The following ZNF423 variants were observed in gnomAD, a reference collection of about 807,000 sequenced individuals.
ZNF423 encodes the protein zinc finger protein 423, also known as Ebf-associated zinc finger protein.
A neutral mutation model predicts 95.8 loss-of-function variants in ZNF423; 12 were observed. The observed-to-expected ratio is 0.13, with a 90% CI of 0.08 to 0.20. ZNF423 has a LOEUF of 0.20. Ranked by LOEUF, ZNF423 falls within the 10% of genes least tolerant of loss-of-function variation. The pLI is 1.00. For synonymous variants in ZNF423, 749 were observed against 711.9 expected (o/e 1.05, Z -0.83); for missense variants, 1,316 against 1,737.1 (o/e 0.76, Z 4.31).
At chr16:49,779,388 T>A (rs1028696147) in intron 2 of ZNF423, among the ~76,000 whole-genome samples, 7 of 151,864 alleles carry the variant, frequency 4.6e-5, no homozygotes, top group Non-Finnish European at 7.4e-5. Context: ...CTTCAAAAAA[T>A]GCCAAGGGGA....
chr16:49,743,581 G>A (rs555603113), intron 2 of ZNF423, among the ~76,000 whole-genome samples: 2 of 152,208 alleles, frequency 1.3e-5, no homozygotes, highest in Non-Finnish European at 2.9e-5. Flanking sequence ...GTATTTCCAG[G>A]GAGGGATGGG....
intron 4 of ZNF423, among the ~76,000 whole-genome samples, chr16:49,631,392 C>T (rs996311403): frequency 1.3e-5 from 2 of 152,094 alleles, no homozygotes; most frequent in Non-Finnish European, 2.9e-5. Context: ...ACCCCAACAT[C>T]TATTCCTAGT....
intron 3 of ZNF423, among the ~76,000 whole-genome samples, chr16:49,709,708 C>T (rs1056709809): frequency 1.5e-4 from 23 of 152,204 alleles, no homozygotes; most frequent in African/African-American, 5.3e-4. Flanking sequence ...CCTACGAGTG[C>T]GATCAGTTTC....
chr16:49,734,625 G>A (rs981679767), intron 2 of ZNF423, among the ~76,000 whole-genome samples: 9 of 152,212 alleles, frequency 5.9e-5, no homozygotes, highest in African/African-American at 2.2e-4. Flanking sequence ...GCTCGCTCAG[G>A]GAAGGCCCGA....
chr16:49,669,601 C>A (rs930487280), intron 3 of ZNF423, among the ~76,000 whole-genome samples: 2 of 152,238 alleles, frequency 1.3e-5, no homozygotes, highest in Non-Finnish European at 2.9e-5. Context: ...CTGGGCCCAC[C>A]AGGCAGGAGT....
At chr16:49,769,056 T>G (rs2033982402) in intron 2 of ZNF423, among the ~76,000 whole-genome samples, 1 of 152,056 alleles carries the variant, frequency 6.6e-6, no homozygotes. Context: ...AGAGACAAAC[T>G]CTTTTCAACC....
At chr16:49,729,207 G>T (rs554274125) in intron 3 of ZNF423, among the ~76,000 whole-genome samples, 5 of 152,280 alleles carry the variant, frequency 3.3e-5, no homozygotes, top group African/African-American at 1.2e-4. Context: ...CTTGCATTTA[G>T]AAAATAAAGA....
intron 2 of ZNF423, among the ~76,000 whole-genome samples, chr16:49,737,105 A>G (rs1302796481): frequency 6.6e-6 from 1 of 151,814 alleles, no homozygotes. Flanking sequence ...CAGAAACTCT[A>G]TGTGGTAGGT....
Position 49,638,031 on chromosome 16 carries a change from G to T in ZNF423, c.1145C>A (p.Ser382Tyr), listed in dbSNP as rs1331738928. Residue 382 changes from serine to tyrosine, a missense_variant, in exon 4 of 8, where the codon TCC becomes TAC. Transcript: ENST00000563137. This position sits in a 1 kb window ranked among gnomAD's most constrained non-coding sequence, Gnocchi z 5.6. ...GGAGCCACGCTCCACAGAGGCGCTG[G>T]AGTCGGGTGTGGCGCTGCTCATGGA... The part of the protein sequence containing the change: ...VASMSSATPD[S>Y]SASVERGSTP... The T allele has an allele frequency of 6.2e-7, 1 of 1,614,072 alleles. No individual in the cohort carries two copies. The highest frequency in any genetic ancestry group is 8.5e-7 in the Non-Finnish European group (1 of 1,180,030).
intron 5 of ZNF423, among the ~76,000 whole-genome samples, chr16:49,542,558 G>C (rs1034330155): frequency 6.6e-6 from 1 of 152,244 alleles, no homozygotes; most frequent in Non-Finnish European, 1.5e-5. Context: ...CAGAAGGCCA[G>C]AGGCCAGGAG....
At chr16:49,652,711 T>C (rs1973455426) in intron 3 of ZNF423, among the ~76,000 whole-genome samples, 1 of 152,240 alleles carries the variant, frequency 6.6e-6, no homozygotes, top group Non-Finnish European at 1.5e-5. Context: ...TCACTGTTTT[T>C]CTTGACTCCC....
chr16:49,830,668 G>C (rs145801813), intron 1 of ZNF423, among the ~76,000 whole-genome samples: 71 of 152,242 alleles, frequency 4.7e-4, no homozygotes, highest in Middle Eastern at 3.4e-3. Flanking sequence ...GTGTCGGGGG[G>C]TGATGTCTGG....
intron 3 of ZNF423, among the ~76,000 whole-genome samples, chr16:49,707,489 C>T (rs1023649100): frequency 6.6e-6 from 1 of 151,680 alleles, no homozygotes; most frequent in African/African-American, 2.4e-5. Context: ...TGGTGGCAGG[C>T]GCTTGTAATC....
At chr16:49,508,108 T>C (rs1384149201) in intron 7 of ZNF423, among the ~76,000 whole-genome samples, 2 of 152,200 alleles carry the variant, frequency 1.3e-5, no homozygotes, top group African/African-American at 2.4e-5. Flanking sequence ...CTTGTCTTCA[T>C]ATTAGAGGCA....
chr16:49,806,217 G>A (rs1019187382), intron 1 of ZNF423, among the ~76,000 whole-genome samples: 17 of 152,218 alleles, frequency 1.1e-4, no homozygotes, highest in African/African-American at 3.1e-4. Context: ...GGAGCGGGGG[G>A]CACCCCAGCC....
chr16:49,846,146 A>G (rs1163267036), intron 1 of ZNF423, among the ~76,000 whole-genome samples: 2 of 152,008 alleles, frequency 1.3e-5, no homozygotes, highest in Non-Finnish European at 2.9e-5. Context: ...TAATAAAAAC[A>G]CAAAAATTAG....
chr16:49,747,374 G>A (rs1447260319), intron 2 of ZNF423, among the ~76,000 whole-genome samples: 1 of 152,034 alleles, frequency 6.6e-6, no homozygotes, highest in Non-Finnish European at 1.5e-5. Flanking sequence ...GTAAAATATG[G>A]TATCTATATT....
rs1256596627 is a variant in ZNF423, at chr16:49,730,790, C to A, written c.282G>T (p.Arg94=). The change falls in exon 3 of 8, where the codon CGG becomes CGT. Residue 94 remains arginine, a synonymous_variant. Transcript: ENST00000563137. The part of the protein sequence containing the change: ...FESLADLTDH[R]AHRCPGDGDD... ...CATTACCTCCAGGACAGCGGTGGGCCCGGTGGTCCGTCAGGTCTGCCAGAG... is the reference window on the plus strand; with the variant it reads ...CATTACCTCCAGGACAGCGGTGGGCACGGTGGTCCGTCAGGTCTGCCAGAG... The A allele has an allele frequency of 6.2e-7, 1 of 1,614,180 alleles. No individual in the cohort carries two copies. The highest frequency in any genetic ancestry group is 1.1e-5 in the South Asian group (1 of 91,084).
intron 1 of ZNF423, among the ~76,000 whole-genome samples, chr16:49,829,188 T>C (rs899111775): frequency 6.6e-6 from 1 of 152,220 alleles, no homozygotes; most frequent in African/African-American, 2.4e-5. Context: ...CAGCCAACTC[T>C]TTCCACCTCT....
Sources: allele counts gnomAD v4.1 joint callset (sites outside exome capture counted in the v4.1 genomes callset), GRCh38; gene constraint gnomAD v4.1.1; non-coding constraint Gnocchi (gnomAD v3.1); transcripts MANE v1.5; gene names NCBI Gene and HGNC (gene_info 2026-07-23, HGNC 2026-07-21).